The following NIPSNAP2 variants were observed in gnomAD, a reference collection of about 807,000 sequenced individuals.
The protein encoded by NIPSNAP2 is nipsnap homolog 2.
Under a neutral mutation model 48.4 loss-of-function variants are expected in NIPSNAP2, and 42 were observed. The ratio of observed to expected loss-of-function variants is 0.87; its 90% CI spans 0.68 to 1.12. NIPSNAP2 has a LOEUF of 1.12. NIPSNAP2 is among the 50% of genes most tolerant of loss of function. NIPSNAP2 has a pLI of 0.00. For missense variants in NIPSNAP2, 314 were observed against 347.3 expected (o/e 0.90, Z 0.76); for synonymous variants, 158 against 126.6 (o/e 1.25, Z -1.67).
intron 1 of NIPSNAP2, among the ~76,000 whole-genome samples, chr7:55,976,765 C>A (rs1787114454): frequency 6.6e-6 from 1 of 151,974 alleles, no homozygotes; most frequent in Non-Finnish European, 1.5e-5. Flanking sequence ...ACGTATGCCT[C>A]TAGTCCCAGC....
At chr7:55,978,010 T>C in intron 1 of NIPSNAP2, 116 bp from the exon 2 acceptor site, 1 of 1,171,654 alleles carries the variant, frequency 8.5e-7, no homozygotes, top group Non-Finnish European at 1.2e-6. Flanking sequence ...CAGGCATTCT[T>C]TGGTAGCCCA....
At chr7:55,978,580 C>CG in intron 3 of NIPSNAP2, 185 bp downstream of exon 3, 1 of 595,848 alleles carries the variant, frequency 1.7e-6, no homozygotes. Flanking sequence ...TAAGCACTCA[C>CG]ACAGCTAAAT....
At chr7:55,998,507 T>G (rs1787616046) in intron 9 of NIPSNAP2, among the ~76,000 whole-genome samples, 1 of 135,106 alleles carries the variant, frequency 7.4e-6, no homozygotes, top group Admixed American at 7.6e-5. Context: ...TTTTTTTTTT[T>G]TTTTTTTTTT....
At chr7:55,979,762 G>C (rs1296363532) in intron 3 of NIPSNAP2, 1 of 455,792 alleles carries the variant, frequency 2.2e-6, no homozygotes, top group Non-Finnish European at 4.4e-6. Flanking sequence ...ACTTTCAGCA[G>C]CTCCCTGTTT....
chr7:55,999,433 C>CA lies in NIPSNAP2; in HGVS notation c.*367dup, dbSNP rs533847857. 4 of 172,144 alleles carry CA rather than the reference C, an allele frequency of 2.3e-5. No individual in the cohort carries two copies. Among genetic ancestry groups the CA allele is most frequent in the South Asian group, 3.9e-4 (2 of 5,094 alleles). 10.7% of individuals were successfully genotyped at this position (172,144 alleles called of 1,614,324 possible). On this transcript the variant is annotated 3_prime_UTR_variant, in exon 10 of 10. Coordinates refer to ENST00000322090, the MANE Select transcript of NIPSNAP2 (RefSeq NM_001483.3). ...TAGCCATTTCTTTACTAAAAAAAAC[C>CA]AAAAAACAAATCTGTTTTATAATCA...
intron 1 of NIPSNAP2, among the ~76,000 whole-genome samples, chr7:55,975,291 T>A (rs1787087270): frequency 6.6e-6 from 1 of 151,920 alleles, no homozygotes; most frequent in South Asian, 2.1e-4. Context: ...GGGTCAAGGC[T>A]GCAGTGAGCC....
At chr7:55,969,046 GA>G (rs1280783939) in intron 1 of NIPSNAP2, among the ~76,000 whole-genome samples, 3 of 138,544 alleles carry the variant, frequency 2.2e-5, no homozygotes, top group Admixed American at 7.4e-5. Context: ...GGCCCTGTCT[GA>G]AAAAAAAAAG....
intron 1 of NIPSNAP2, among the ~76,000 whole-genome samples, chr7:55,967,717 C>T (rs1272862212): frequency 1.3e-5 from 2 of 151,768 alleles, no homozygotes; most frequent in East Asian, 3.9e-4. Context: ...GGCGTGATCT[C>T]GGCTCCCTGC....
At chr7:55,993,882 A>G (rs1026416253) in intron 7 of NIPSNAP2, among the ~76,000 whole-genome samples, 5 of 151,970 alleles carry the variant, frequency 3.3e-5, no homozygotes, top group South Asian at 4.1e-4. Flanking sequence ...TACATAATGA[A>G]TGCCTTTGGT....
In NIPSNAP2 at chr7:55,982,205, T is replaced by G; in HGVS notation, c.374-5T>G. ...ACGTATACTGTCTTTTAAAATGCAT[T>G]TCAGTCCACCTCTGGAGGTATGAAG... On this transcript the variant is annotated splice_region_variant and splice_polypyrimidine_tract_variant and intron_variant, in intron 4 of 9. Transcript: ENST00000322090. The G allele has an allele frequency of 1.3e-6, 2 of 1,593,472 alleles. No individual in the cohort carries two copies. The highest frequency in any genetic ancestry group is 8.6e-7 in the Non-Finnish European group (1 of 1,162,126).
At chr7:55,987,316 A>G (rs546212538) in intron 7 of NIPSNAP2, among the ~76,000 whole-genome samples, 4 of 152,138 alleles carry the variant, frequency 2.6e-5, no homozygotes, top group Admixed American at 6.6e-5. Flanking sequence ...CCACATATCC[A>G]TCAATAGATA....
At position 55,978,077 on chromosome 7, in the gene NIPSNAP2, G is replaced by T. The variant is rs375314033; in HGVS notation, c.93-49G>T. ...ACTGTGTTTGCCAGATTAACTGATG[G>T]ATATATGAAAACAGTATACTGCGTG... On this transcript the variant is annotated intron_variant, in intron 1 of 9. Transcript: ENST00000322090. The T allele has an allele frequency of 2.5e-6, 4 of 1,598,348 alleles. No homozygotes were observed. The South Asian group carries it at 3.4e-5, about 13-fold the overall frequency.
chr7:55,966,077 CT>C (rs1786887485), intron 1 of NIPSNAP2, among the ~76,000 whole-genome samples: 1 of 152,152 alleles, frequency 6.6e-6, no homozygotes, highest in African/African-American at 2.4e-5. Context: ...CCATCCGGAG[CT>C]TACCAGTAAT....
intron 1 of NIPSNAP2, among the ~76,000 whole-genome samples, chr7:55,977,756 A>G (rs1474118287): frequency 6.6e-6 from 1 of 152,038 alleles, no homozygotes; most frequent in African/African-American, 2.4e-5. Flanking sequence ...TCATCTTCCT[A>G]AACTGAAACT....
At chr7:55,969,199 G>A (rs990339000) in intron 1 of NIPSNAP2, among the ~76,000 whole-genome samples, 2 of 152,258 alleles carry the variant, frequency 1.3e-5, no homozygotes, top group African/African-American at 2.4e-5. Flanking sequence ...AATGAAAGGT[G>A]TGGGAACAGG....
intron 1 of NIPSNAP2, chr7:55,964,955 G>T (rs1786859283): frequency 5.4e-6 from 1 of 185,350 alleles, no homozygotes; most frequent in African/African-American, 2.4e-5. Context: ...CCGAGGCTTG[G>T]CCCGGAGGCC....
At chr7:55,997,853 A>G (rs984341169) in intron 9 of NIPSNAP2, among the ~76,000 whole-genome samples, 5 of 152,322 alleles carry the variant, frequency 3.3e-5, no homozygotes, top group African/African-American at 9.6e-5. Context: ...TTGAAATTAG[A>G]TAAATTAAAC....
chr7:55,970,279 C>T (rs377609516), intron 1 of NIPSNAP2, among the ~76,000 whole-genome samples: 4 of 151,504 alleles, frequency 2.6e-5, no homozygotes, highest in African/African-American at 9.7e-5. Flanking sequence ...CCATATACCA[C>T]GCTCCTGCCA....
chr7:55,983,862 A>G lies in NIPSNAP2; in HGVS notation c.579A>G (p.Gln193=). 1 of 1,612,320 alleles carries G rather than the reference A, an allele frequency of 6.2e-7. No individual in the cohort carries two copies. Among genetic ancestry groups the G allele is most frequent in the South Asian group, 1.1e-5 (1 of 90,478 alleles). ...GPNIYELRSY[Q]LRPGTMIEWG... Reference sequence around the variant, plus strand: ...ATATATATGAACTCAGGTCTTACCAACTCCGAGTAAGTACAGAAATATAAG... The same window carrying G: ...ATATATATGAACTCAGGTCTTACCAGCTCCGAGTAAGTACAGAAATATAAG... Residue 193 remains glutamine, a synonymous_variant, in exon 6 of 10, where the codon CAA becomes CAG. Coordinates refer to ENST00000322090, the MANE Select transcript of NIPSNAP2 (RefSeq NM_001483.3).
Sources: gnomAD v4.1 joint callset for allele counts (sites outside exome capture counted in the v4.1 genomes callset) on GRCh38, gnomAD v4.1.1 for gene constraint, MANE v1.5 for transcripts, NCBI Gene and HGNC (gene_info 2026-07-23, HGNC 2026-07-21) for gene names.